ASNS: variants seen among roughly 807,000 people sequenced by gnomAD.
ASNS encodes the protein asparagine synthetase [glutamine-hydrolyzing].
ASNS carries 37 observed loss-of-function variants against 62.6 expected under a neutral mutation model. The ratio of observed to expected loss-of-function variants is 0.59; its 90% CI spans 0.45 to 0.78. The LOEUF (loss-of-function observed/expected upper bound fraction) is 0.78, where lower values mean the gene tolerates loss of function less well. Ranked by LOEUF, ASNS falls within the 30% of genes least tolerant of loss-of-function variation. ASNS has a pLI of 0.00. For synonymous variants in ASNS, 207 were observed against 237.9 expected (o/e 0.87, Z 1.19); for missense variants, 520 against 682.4 (o/e 0.76, Z 2.65).
chr7:97,915,409 G>A, the ASNS span, among the ~76,000 whole-genome samples: 711 of 152,316 alleles, frequency 4.7e-3, 5 homozygotes, highest in African/African-American at 0.016. Context: ...TGGGTATGCC[G>A]TCATTCATTA....
chr7:97,886,656 A>G, the ASNS span, among the ~76,000 whole-genome samples: 10 of 152,110 alleles, frequency 6.6e-5, no homozygotes, highest in Non-Finnish European at 1.2e-4. Flanking sequence ...TTAAAAACAA[A>G]AAAAAAAGAA....
the ASNS span, among the ~76,000 whole-genome samples, chr7:97,914,319 G>T: frequency 6.6e-6 from 1 of 152,090 alleles, no homozygotes; most frequent in Non-Finnish European, 1.5e-5. Context: ...AGGTGGGTGG[G>T]CAAGGGGGCT....
the ASNS span, among the ~76,000 whole-genome samples, chr7:97,923,494 T>A: frequency 3.8e-4 from 58 of 152,048 alleles, no homozygotes; most frequent in Non-Finnish European, 6.6e-4. Context: ...GGGAGGAGAA[T>A]CCTTTGAACA....
At chr7:97,858,800 TCATTTCAATTAAA>T in intron 6 of ASNS, 41 bp downstream of exon 6, 1 of 1,486,762 alleles carries the variant, frequency 6.7e-7, no homozygotes, top group Non-Finnish European at 9.2e-7. Context: ...TGGCTACAAA[TCATTTCAATTAAA>T]CACACATGAA....
At chr7:97,912,566 T>C in the ASNS span, among the ~76,000 whole-genome samples, 1 of 53,178 alleles carries the variant, frequency 1.9e-5, no homozygotes, top group Admixed American at 1.4e-4. Flanking sequence ...TTAACTTTGC[T>C]TTTTTTTTTT....
chr7:97,897,790 G>A, the ASNS span, among the ~76,000 whole-genome samples: 1 of 150,940 alleles, frequency 6.6e-6, no homozygotes, highest in Non-Finnish European at 1.5e-5. Context: ...TGTATCAACG[G>A]GATATCTGTA....
chr7:97,868,616 TTACTG>T (rs1792093262), intron 3 of ASNS, among the ~76,000 whole-genome samples: 2 of 152,098 alleles, frequency 1.3e-5, no homozygotes, highest in African/African-American at 4.8e-5. Flanking sequence ...GTTCTGTTCT[TTACTG>T]TATGTTAGGA....
chr7:97,870,557 A>G (rs1379708227), intron 1 of ASNS, among the ~76,000 whole-genome samples: 1 of 152,232 alleles, frequency 6.6e-6, no homozygotes, highest in African/African-American at 2.4e-5. Context: ...CATCTCAAGC[A>G]ATTTGGAAAT....
At chr7:97,896,431 A>C in the ASNS span, among the ~76,000 whole-genome samples, 2 of 149,814 alleles carry the variant, frequency 1.3e-5, no homozygotes, top group Non-Finnish European at 3.0e-5. Flanking sequence ...TACTAAAAAA[A>C]AAAAAACAAA....
chr7:97,912,375 G>GT, the ASNS span, among the ~76,000 whole-genome samples: 3 of 151,408 alleles, frequency 2.0e-5, no homozygotes, highest in Non-Finnish European at 2.9e-5. Flanking sequence ...TTTGCTTCTT[G>GT]TTTTTTTTAC....
At chr7:97,904,059 A>T in the ASNS span, among the ~76,000 whole-genome samples, 1 of 152,244 alleles carries the variant, frequency 6.6e-6, no homozygotes, top group East Asian at 1.9e-4. Flanking sequence ...AATGGGAAAG[A>T]CTGAAGTAGT....
chr7:97,924,278 C>T, the ASNS span, among the ~76,000 whole-genome samples: 3 of 152,160 alleles, frequency 2.0e-5, no homozygotes, highest in Non-Finnish European at 2.9e-5. Flanking sequence ...CACCAACATG[C>T]GCAGGTAGCA....
the ASNS span, among the ~76,000 whole-genome samples, chr7:97,909,726 G>A: frequency 2.0e-5 from 3 of 152,136 alleles, no homozygotes; most frequent in Non-Finnish European, 4.4e-5. Flanking sequence ...GGGTGACACA[G>A]AAACATTTCC....
the ASNS span, among the ~76,000 whole-genome samples, chr7:97,890,156 C>T: frequency 2.0e-5 from 3 of 151,584 alleles, no homozygotes; most frequent in Non-Finnish European, 2.9e-5. Context: ...TCCAGTCAGA[C>T]AAAAAGAAAG....
chr7:97,867,860 CA>C (rs1364472004), intron 3 of ASNS, among the ~76,000 whole-genome samples: 1 of 152,102 alleles, frequency 6.6e-6, no homozygotes, highest in African/African-American at 2.4e-5. Flanking sequence ...TATGAGCAGG[CA>C]ACAAACAATG....
At chr7:97,855,941 C>T (rs544056746) in intron 8 of ASNS, among the ~76,000 whole-genome samples, 11 of 152,324 alleles carry the variant, frequency 7.2e-5, no homozygotes, top group South Asian at 2.1e-4. Flanking sequence ...CTTGGTCCTG[C>T]ACCACATCTC....
At chr7:97,900,369 A>AG in the ASNS span, among the ~76,000 whole-genome samples, 1 of 150,628 alleles carries the variant, frequency 6.6e-6, no homozygotes, top group African/African-American at 2.4e-5. Flanking sequence ...TCAAAAAAAA[A>AG]AAAAAAAAAA....
chr7:97,912,590 T>TC, the ASNS span, among the ~76,000 whole-genome samples: 7 of 120,872 alleles, frequency 5.8e-5, no homozygotes, highest in Non-Finnish European at 8.7e-5. Flanking sequence ...TTTTTTTTTT[T>TC]TTTCTGTTTT....
chr7:97,906,045 C>T, the ASNS span, among the ~76,000 whole-genome samples: 1 of 152,142 alleles, frequency 6.6e-6, no homozygotes, highest in Non-Finnish European at 1.5e-5. Flanking sequence ...AAAGTAATGG[C>T]AAAAACAGCA....
Sources: allele counts gnomAD v4.1 joint callset (sites outside exome capture counted in the v4.1 genomes callset), GRCh38; gene constraint gnomAD v4.1.1; transcripts MANE v1.5; gene names NCBI Gene and HGNC (gene_info 2026-07-23, HGNC 2026-07-21).